OGFR: variants seen among roughly 807,000 people sequenced by gnomAD.
OGFR encodes the protein opioid growth factor receptor, also known as protein 7-60.
A neutral mutation model predicts 33.6 loss-of-function variants in OGFR; 18 were observed. That is an observed-to-expected ratio of 0.54 (90% confidence interval 0.37 to 0.80). The LOEUF (loss-of-function observed/expected upper bound fraction) is 0.80, where lower values mean the gene tolerates loss of function less well. Among genes scored for constraint, OGFR ranks in the 30% least tolerant of loss-of-function variants. OGFR has a pLI of 0.00. For missense variants in OGFR, 877 were observed against 955.8 expected (o/e 0.92, Z 1.09); for synonymous variants, 370 against 400.7 (o/e 0.92, Z 0.91).
Position 62,811,624 on chromosome 20 carries a change from G to GCGGCCCCCCC in OGFR, c.614+15_614+16insGGCCCCCCCC. The GCGGCCCCCCC allele has an allele frequency of 6.4e-7, 1 of 1,551,502 alleles. No homozygotes were observed. The highest frequency in any genetic ancestry group is 8.7e-7 in the Non-Finnish European group (1 of 1,147,394). ...GAACCTGAACTGGTGAGGCCCGGCT[G>GCGGCCCCCCC]CTCCCGCCCACCCCCACCCCGGCGC... On this transcript the variant is annotated intron_variant, in intron 6 of 6. Transcript: ENST00000290291.
chr20:62,811,626 T>TGGGGCCCCCCCCCCC lies in OGFR; in HGVS notation c.614+16_614+17insGGGGCCCCCCCCCCC. The TGGGGCCCCCCCCCCC allele has an allele frequency of 6.7e-7, 1 of 1,502,514 alleles. No homozygotes were observed. The highest frequency in any genetic ancestry group is 9.0e-7 in the Non-Finnish European group (1 of 1,110,122). 93.1% of individuals were successfully genotyped at this position (1,502,514 alleles called of 1,614,324 possible). A position where few individuals can be genotyped will look rare whatever the true frequency, so the allele number is the denominator to read the frequency against. On this transcript the variant is annotated intron_variant, in intron 6 of 6. Transcript: ENST00000290291. ...ACCTGAACTGGTGAGGCCCGGCTGCTCCCGCCCACCCCCACCCCGGCGCAG... is the reference window on the plus strand; with the variant it reads ...ACCTGAACTGGTGAGGCCCGGCTGCTGGGGCCCCCCCCCCCCCCGCCCACCCCCACCCCGGCGCAG...
Position 62,811,626 on chromosome 20 carries a change from T to TGGCCCCCCCCCCCCCCCCCCC in OGFR, c.614+16_614+17insGGCCCCCCCCCCCCCCCCCCC. 2 of 1,502,522 alleles carry TGGCCCCCCCCCCCCCCCCCCC rather than the reference T, an allele frequency of 1.3e-6. No individual in the cohort carries two copies. Among genetic ancestry groups the TGGCCCCCCCCCCCCCCCCCCC allele is most frequent in the Non-Finnish European group, 1.8e-6 (2 of 1,110,118 alleles). 93.1% of individuals were successfully genotyped at this position (1,502,522 alleles called of 1,614,324 possible). A position where few individuals can be genotyped will look rare whatever the true frequency, so the allele number is the denominator to read the frequency against. On this transcript the variant is annotated intron_variant, in intron 6 of 6. Coordinates refer to ENST00000290291, the MANE Select transcript of OGFR (RefSeq NM_007346.4). ...ACCTGAACTGGTGAGGCCCGGCTGC[T>TGGCCCCCCCCCCCCCCCCCCC]CCCGCCCACCCCCACCCCGGCGCAG...
Position 62,813,022 on chromosome 20 carries a change from T to TG in OGFR, c.1408dup (p.Ala470GlyfsTer28). ...TGGATGAGGGTGCTGGGGACAGTGC[T>TG]GCGGTGGCCAGTGGTGGTGCCCAGA... is the stretch of plus-strand genomic sequence containing the variant. On this transcript the variant is annotated frameshift_variant, in exon 7 of 7. Coordinates refer to ENST00000290291, the MANE Select transcript of OGFR (RefSeq NM_007346.4). LOFTEE classifies it low-confidence loss of function (END_TRUNC). The TG allele has an allele frequency of 6.2e-7, 1 of 1,605,382 alleles. No homozygotes were observed. Among genetic ancestry groups the TG allele is most frequent in the Non-Finnish European group, 8.5e-7 (1 of 1,176,378 alleles).
chr20:62,810,211 C>T (rs1241252394), intron 4 of OGFR, among the ~76,000 whole-genome samples: 1 of 152,224 alleles, frequency 6.6e-6, no homozygotes, highest in Non-Finnish European at 1.5e-5. Flanking sequence ...AAGGAAGGCC[C>T]TGTCCGCCCG....
At chr20:62,805,519 C>A (rs1165589399) in intron 1 of OGFR, 1 of 153,110 alleles carries the variant, frequency 6.5e-6, no homozygotes, top group Non-Finnish European at 1.5e-5. Context: ...ACTTTTGTTA[C>A]CGCCGGGCGC....
chr20:62,809,704 C>G (rs1990681233), intron 4 of OGFR, 41 bp downstream of exon 4: 1 of 1,221,096 alleles, frequency 8.2e-7, no homozygotes, highest in Non-Finnish European at 1.2e-6. Flanking sequence ...TTGGCGAGGC[C>G]ACAGGGGGAG....
At position 62,804,888 on chromosome 20, in the gene OGFR, GGGA is replaced by G. The variant is rs1193704179; in HGVS notation, c.36_38del (p.Glu12del). On this transcript the variant is annotated inframe_deletion, in exon 1 of 7. Transcript: ENST00000290291. Reference sequence around the variant, plus strand: ...GACGACCCCGACTGCGACTCCACCTGGGAGGAGGACGAGGAGGATGCGGAGGAC... The same window carrying G: ...GACGACCCCGACTGCGACTCCACCTGGGAGGACGAGGAGGATGCGGAGGAC... The G allele has an allele frequency of 4.7e-6, 7 of 1,493,364 alleles. No individual in the cohort carries two copies. The highest frequency in any genetic ancestry group is 5.3e-6 in the Non-Finnish European group (6 of 1,121,680). The allele number at this position is 1,493,364 out of a possible 1,614,324, so 92.5% of individuals were successfully genotyped here. A position where few individuals can be genotyped will look rare whatever the true frequency, so the allele number is the denominator to read the frequency against.
In OGFR at chr20:62,812,565, G is replaced by A. The variant is rs376037815; in HGVS notation, c.950G>A (p.Gly317Glu). The A allele has an allele frequency of 2.5e-6, 4 of 1,580,380 alleles. No homozygotes were observed. In the East Asian group the frequency reaches 6.9e-5, roughly 27 times the overall value. The change falls in exon 7 of 7, where the codon GGG (glycine) becomes GAG (glutamate). Residue 317 changes from glycine to glutamate, a missense_variant. Around this residue, in one of 3 missense-constraint regions of OGFR, gnomAD observed 760 missense variants for 736.0 expected, o/e 1.03. Transcript: ENST00000290291. The part of the protein sequence containing the change: ...SRKVEEEGSP[G>E]DPDHEASTQG... ...AAGGTGGAGGAGGAAGGAAGCCCCG[G>A]GGACCCCGACCACGAGGCCAGCACC...
rs1251098524 is a variant in OGFR, at chr20:62,808,340, A to G, written c.319+15A>G. On this transcript the variant is annotated intron_variant, in intron 3 of 6. Coordinates refer to ENST00000290291, the MANE Select transcript of OGFR (RefSeq NM_007346.4). ...CCTGCCCAACGGTAGGTGCCTCACA[A>G]CCACTGGCAGCCGGCGCTTCCATCC... The G allele has an allele frequency of 6.2e-7, 1 of 1,602,902 alleles. No homozygotes were observed. Among genetic ancestry groups the G allele is most frequent in the Admixed American group, 1.7e-5 (1 of 59,974 alleles).
intron 6 of OGFR, 52 bp downstream of exon 6, chr20:62,811,662 CGTCAG>C: frequency 6.7e-7 from 1 of 1,497,270 alleles, no homozygotes; most frequent in Non-Finnish European, 8.9e-7. Context: ...AACAGGGCCA[CGTCAG>C]GTTTCGGGCA....
At chr20:62,808,184 G>T in intron 2 of OGFR, 63 bp from the exon 3 acceptor site, 1 of 1,300,590 alleles carries the variant, frequency 7.7e-7, no homozygotes, top group East Asian at 2.3e-5. Context: ...CGAAAGACAC[G>T]GAGGGCCCCA....
At chr20:62,809,448 C>T (rs1364929876) in intron 3 of OGFR, 137 bp from the exon 4 acceptor site, 9 of 676,518 alleles carry the variant, frequency 1.3e-5, no homozygotes, top group East Asian at 2.8e-5. Context: ...CCTGAAGAGC[C>T]TCAGGAGATG....
rs1451528860 is a variant in OGFR, at chr20:62,813,561, C to T, written c.1946C>T (p.Pro649Leu). The change falls in exon 7 of 7, where the codon CCT (proline) becomes CTT (leucine). Residue 649 changes from proline (P) to leucine (L), a missense_variant. Physicochemically the swap from Pro to Leu is moderately conservative, Grantham distance 98. Transcript: ENST00000290291. ...ACCCCAGGCCCCAGCCCGGCAGGAC[C>T]TACAAGGGATGAGCCAGCCAAGGCG... The part of the protein sequence containing the change: ...SETPGPSPAG[P>L]TRDEPAKAGE... 4.3e-6 allele frequency: 7 copies of T among 1,610,354 alleles called. No homozygotes were observed. Among genetic ancestry groups the T allele is most frequent in the Non-Finnish European group, 5.9e-6 (7 of 1,178,786 alleles).
Position 62,810,545 on chromosome 20 carries a change from C to T in OGFR, c.445C>T (p.Leu149Phe). ...AGGAGTGAACTGGCATGCCAAGCCC[C>T]TCACGCTCAGGGAGGTCGAGGTGAG... The part of the protein sequence containing the change: ...EPGVNWHAKP[L>F]TLREVEVFKS... The change falls in exon 5 of 7, where the codon CTC becomes TTC. Residue 149 changes from leucine (L) to phenylalanine (F), a missense_variant. Coordinates refer to ENST00000290291, the MANE Select transcript of OGFR (RefSeq NM_007346.4). 6.2e-7 allele frequency: 1 copy of T among 1,613,080 alleles called. No individual in the cohort carries two copies. Among genetic ancestry groups the T allele is most frequent in the Non-Finnish European group, 8.5e-7 (1 of 1,179,886 alleles).
chr20:62,805,708 A>C (rs979214552), intron 1 of OGFR: 1 of 152,260 alleles, frequency 6.6e-6, no homozygotes, highest in Non-Finnish European at 1.5e-5. Flanking sequence ...TCCCCTTGGC[A>C]CCCAGCACTG....
In OGFR at chr20:62,804,910, GGAGGACGCGGAGGACGAGGACTGC is replaced by G; in HGVS notation, c.59_82del (p.Ala20_Asp27del). 1 of 1,494,868 alleles carries G rather than the reference GGAGGACGCGGAGGACGAGGACTGC, an allele frequency of 6.7e-7. No homozygotes were observed. Among genetic ancestry groups the G allele is most frequent in the Non-Finnish European group, 8.9e-7 (1 of 1,122,582 alleles). 92.6% of individuals were successfully genotyped at this position (1,494,868 alleles called of 1,614,324 possible). A position where few individuals can be genotyped will look rare whatever the true frequency, so the allele number is the denominator to read the frequency against. On this transcript the variant is annotated inframe_deletion, in exon 1 of 7. Coordinates refer to ENST00000290291, the MANE Select transcript of OGFR (RefSeq NM_007346.4). ...CCTGGGAGGAGGACGAGGAGGATGCGGAGGACGCGGAGGACGAGGACTGCGAGGACGGCGAGGCCGCCGGCGCGA... is the reference window on the plus strand; with the variant it reads ...CCTGGGAGGAGGACGAGGAGGATGCGGAGGACGGCGAGGCCGCCGGCGCGA...
chr20:62,805,144 C>T, intron 1 of OGFR, 114 bp downstream of exon 1: 1 of 822,958 alleles, frequency 1.2e-6, no homozygotes, highest in Non-Finnish European at 1.6e-6. Context: ...CTGGAGCTCC[C>T]GCAGCCCCGG....
In OGFR at chr20:62,813,838, C is replaced by T. The variant is rs373740743; in HGVS notation, c.*189C>T. On this transcript the variant is annotated 3_prime_UTR_variant, in exon 7 of 7. Transcript: ENST00000290291. ...CGAGGCCCTCAGGGAAGCCCAAGGCCTGCAGAAGCCTCCTGGCCTGGCTGT... is the reference window on the plus strand; with the variant it reads ...CGAGGCCCTCAGGGAAGCCCAAGGCTTGCAGAAGCCTCCTGGCCTGGCTGT... 1.2e-4 allele frequency: 78 copies of T among 646,340 alleles called. No homozygotes were observed. Among genetic ancestry groups the T allele is most frequent in the East Asian group, 1.1e-3 (42 of 36,610 alleles). 40.0% of individuals were successfully genotyped at this position (646,340 alleles called of 1,614,324 possible).
At position 62,813,769 on chromosome 20, in the gene OGFR, G is replaced by GGAGGCCAGCACTGTGGGTCA; in HGVS notation, c.*120_*121insGAGGCCAGCACTGTGGGTCA. ...CGTGACCCGTGACCCATGACCCACAGTGCTGGCCTCCTGTGGGGCCACTAT... is the reference window on the plus strand; with the variant it reads ...CGTGACCCGTGACCCATGACCCACAGGAGGCCAGCACTGTGGGTCATGCTGGCCTCCTGTGGGGCCACTAT... On this transcript the variant is annotated 3_prime_UTR_variant, in exon 7 of 7. Coordinates refer to ENST00000290291, the MANE Select transcript of OGFR (RefSeq NM_007346.4). The GGAGGCCAGCACTGTGGGTCA allele has an allele frequency of 8.2e-7, 1 of 1,224,946 alleles. No homozygotes were observed. Among genetic ancestry groups the GGAGGCCAGCACTGTGGGTCA allele is most frequent in the Non-Finnish European group, 1.2e-6 (1 of 854,914 alleles). 75.9% of individuals were successfully genotyped at this position (1,224,946 alleles called of 1,614,324 possible).
Sources: gnomAD v4.1 joint callset for allele counts (sites outside exome capture counted in the v4.1 genomes callset) on GRCh38, gnomAD v4.1.1 for gene constraint, gnomAD v4.1.1 regional missense constraint, MANE v1.5 for transcripts, NCBI Gene and HGNC (gene_info 2026-07-23, HGNC 2026-07-21) for gene names.